The following METTL15 variants were observed in gnomAD, a reference collection of about 807,000 sequenced individuals.
The protein encoded by METTL15 is methyltransferase 15, mitochondrial 12S rRNA N4-cytidine, also known as 12S rRNA N(4)-cytidine methyltransferase METTL15.
A neutral mutation model predicts 38.3 loss-of-function variants in METTL15; 34 were observed. The observed-to-expected ratio is 0.89, with a 90% CI of 0.68 to 1.18. The LOEUF (loss-of-function observed/expected upper bound fraction) is 1.18, where lower values mean the gene tolerates loss of function less well. METTL15 is among the 50% of genes most tolerant of loss of function. The pLI, the probability that METTL15 is intolerant of heterozygous loss-of-function variation, is 0.00. For missense variants in METTL15, 438 were observed against 498.4 expected (o/e 0.88, Z 1.15); for synonymous variants, 162 against 170.9 (o/e 0.95, Z 0.41).
At chr11:28,308,286 C>A (rs1297645714) in intron 6 of METTL15, among the ~76,000 whole-genome samples, 1 of 152,092 alleles carries the variant, frequency 6.6e-6, no homozygotes, top group African/African-American at 2.4e-5. Flanking sequence ...GAATGAGCTT[C>A]TTTAATATTT....
chr11:28,342,671 C>A (rs774163961), intron 3 of METTL15, among the ~76,000 whole-genome samples: 1 of 152,130 alleles, frequency 6.6e-6, no homozygotes, highest in Non-Finnish European at 1.5e-5. Flanking sequence ...AAATCAATAA[C>A]AGGTTTAGAA....
At chr11:28,486,761 G>C (rs1041832391) in intron 6 of METTL15, among the ~76,000 whole-genome samples, 1 of 152,130 alleles carries the variant, frequency 6.6e-6, no homozygotes, top group African/African-American at 2.4e-5. Flanking sequence ...TGCCATGCCA[G>C]GATATTGTAG....
intron 3 of METTL15, among the ~76,000 whole-genome samples, chr11:28,141,943 T>A (rs986181186): frequency 1.3e-5 from 2 of 152,122 alleles, no homozygotes; most frequent in African/African-American, 2.4e-5. Context: ...TAAACTAAAT[T>A]CCTCCTATGG....
intron 5 of METTL15, among the ~76,000 whole-genome samples, chr11:28,294,770 G>T (rs777468485): frequency 1.3e-5 from 2 of 152,052 alleles, no homozygotes; most frequent in Non-Finnish European, 2.9e-5. Context: ...TTCCAGTGTT[G>T]CACCTTTTGC....
rs72884031 is a variant in METTL15 at position 28,519,866 on chromosome 11, A to C, written c.*425-6612A>C. 1.6e-3 allele frequency among the ~76,000 whole-genome samples: 239 copies of C among 152,308 alleles called. 1 individual carries two copies. Among genetic ancestry groups the C allele is most frequent in the Middle Eastern group, 3.4e-3 (1 of 294 alleles). On this transcript the variant is annotated intron_variant and NMD_transcript_variant, in intron 6 of 7. Transcript: ENST00000532947. Reference sequence around the variant, plus strand: ...GAAGTAAAGTGACACTGTCAAGGTCACTTTAGCTTTTAGTGGTAGGGGACA... The same window carrying C: ...GAAGTAAAGTGACACTGTCAAGGTCCCTTTAGCTTTTAGTGGTAGGGGACA...
intron 3 of METTL15, among the ~76,000 whole-genome samples, chr11:28,139,960 ACT>A (rs566069373): frequency 0.031 from 60 of 1,940 alleles, no homozygotes; most frequent in African/African-American, 0.043. Context: ...GGGTGGAAAG[ACT>A]CTGTGGAGAC....
chr11:28,172,103 GT>G (rs1221664615), intron 3 of METTL15, among the ~76,000 whole-genome samples: 1 of 151,934 alleles, frequency 6.6e-6, no homozygotes, highest in Non-Finnish European at 1.5e-5. Context: ...ACCTGGCCAT[GT>G]TTTCTTAATT....
At chr11:28,123,996 C>G (rs1590759970) in intron 3 of METTL15, 1 of 713,316 alleles carries the variant, frequency 1.4e-6, no homozygotes, top group Non-Finnish European at 2.1e-6. Context: ...GTTTATGAAG[C>G]ACTTTTATAT....
chr11:28,324,913 T>C (rs1168028867), intron 6 of METTL15, among the ~76,000 whole-genome samples: 3 of 152,120 alleles, frequency 2.0e-5, no homozygotes. Context: ...TTATACTAGC[T>C]CTCTACACTG....
chr11:28,145,256 T>C (rs879777408), intron 3 of METTL15: 1 of 152,176 alleles, frequency 6.6e-6, no homozygotes, highest in Non-Finnish European at 1.5e-5. Flanking sequence ...AATTATACTT[T>C]TAAAATTCCT....
At chr11:28,369,447 C>T (rs1327611058) in intron 5 of METTL15, among the ~76,000 whole-genome samples, 1 of 151,930 alleles carries the variant, frequency 6.6e-6, no homozygotes, top group African/African-American at 2.4e-5. Flanking sequence ...ATTCAAGGAG[C>T]TCAAAGGACC....
At chr11:28,391,248 C>T (rs1395643330) in intron 5 of METTL15, among the ~76,000 whole-genome samples, 1 of 152,030 alleles carries the variant, frequency 6.6e-6, no homozygotes, top group Non-Finnish European at 1.5e-5. Context: ...TTGCCCTGGC[C>T]AGAACTTCCC....
At chr11:28,189,009 G>A (rs1462805134) in intron 3 of METTL15, among the ~76,000 whole-genome samples, 2 of 151,240 alleles carry the variant, frequency 1.3e-5, no homozygotes, top group African/African-American at 4.8e-5. Flanking sequence ...TGTGTTCAAT[G>A]TGTGATGTAG....
chr11:28,222,704 A>T (rs1448650798), intron 4 of METTL15, among the ~76,000 whole-genome samples: 2 of 152,168 alleles, frequency 1.3e-5, no homozygotes, highest in Non-Finnish European at 2.9e-5. Flanking sequence ...CCACCCTCTG[A>T]GAAACTTCTT....
chr11:28,470,652 A>G (rs1472830550), intron 6 of METTL15, among the ~76,000 whole-genome samples: 1 of 152,158 alleles, frequency 6.6e-6, no homozygotes, highest in Non-Finnish European at 1.5e-5. Context: ...GTGAAAGAGA[A>G]ATGGCCTTAT....
chr11:28,406,216 A>C (rs941201292), intron 5 of METTL15, among the ~76,000 whole-genome samples: 3 of 152,078 alleles, frequency 2.0e-5, no homozygotes, highest in Non-Finnish European at 2.9e-5. Flanking sequence ...CCATTTTCAC[A>C]ATATTTTCCA....
chr11:28,184,663 A>G (rs1437010117), intron 3 of METTL15, among the ~76,000 whole-genome samples: 1 of 151,598 alleles, frequency 6.6e-6, no homozygotes, highest in African/African-American at 2.4e-5. Flanking sequence ...GTATTACTAT[A>G]TATTGAAACA....
At chr11:28,385,399 G>T (rs1295491961) in intron 5 of METTL15, among the ~76,000 whole-genome samples, 1 of 152,038 alleles carries the variant, frequency 6.6e-6, no homozygotes, top group Non-Finnish European at 1.5e-5. Flanking sequence ...TGAATAAGGA[G>T]TCTTTTTTCC....
At chr11:28,487,621 T>C (rs954423448) in intron 6 of METTL15, among the ~76,000 whole-genome samples, 1 of 152,134 alleles carries the variant, frequency 6.6e-6, no homozygotes, top group Non-Finnish European at 1.5e-5. Context: ...TAAAAAAGCT[T>C]ATTTTAAACT....
Sources: gnomAD v4.1 joint callset for allele counts (sites outside exome capture counted in the v4.1 genomes callset) on GRCh38, gnomAD v4.1.1 for gene constraint, MANE v1.5 for transcripts, NCBI Gene and HGNC (gene_info 2026-07-23, HGNC 2026-07-21) for gene names.